The following ZNF846 variants were observed in gnomAD, a reference collection of about 807,000 sequenced individuals.
The protein encoded by ZNF846 is zinc finger protein 420 pseudogene.
Under a neutral mutation model 16.0 loss-of-function variants are expected in ZNF846, and 15 were observed. The ratio of observed to expected loss-of-function variants is 0.94; its 90% confidence interval spans 0.63 to 1.45. The LOEUF is 1.45. ZNF846 is among the 40% of genes most tolerant of loss of function. ZNF846 has a pLI of 0.00. For synonymous variants in ZNF846, 229 were observed against 212.0 expected (o/e 1.08, Z -0.70); for missense variants, 714 against 622.3 (o/e 1.15, Z -1.57).
chr19:9,767,839 C>G (rs2045342242), intron 1 of ZNF846, among the ~76,000 whole-genome samples: 1 of 152,100 alleles, frequency 6.6e-6, no homozygotes, highest in Non-Finnish European at 1.5e-5. Context: ...CATGCTGAGG[C>G]AGGAGAATCG....
intron 4 of ZNF846, among the ~76,000 whole-genome samples, chr19:9,761,305 A>G (rs1393041157): frequency 6.6e-6 from 1 of 152,196 alleles, no homozygotes; most frequent in Non-Finnish European, 1.5e-5. Flanking sequence ...AAAAAAGTAT[A>G]TGGCACATTT....
chr19:9,773,144 G>A (rs555221404), upstream of ZNF846, among the ~76,000 whole-genome samples: 5 of 152,248 alleles, frequency 3.3e-5, 1 homozygote, highest in African/African-American at 1.2e-4. Context: ...TTTCTCCATA[G>A]ATGCTGATGA....
chr19:9,780,655 G>T (rs1361217458), intron 1 of ZNF846, among the ~76,000 whole-genome samples: 1 of 151,858 alleles, frequency 6.6e-6, no homozygotes, highest in East Asian at 1.9e-4. Context: ...CACCATGTTG[G>T]CTAGGCTGGT....
intron 1 of ZNF846, among the ~76,000 whole-genome samples, chr19:9,785,570 G>T (rs868691575): frequency 2.9e-4 from 20 of 70,140 alleles, no homozygotes; most frequent in Middle Eastern, 0.013. Flanking sequence ...TCTCAACCAA[G>T]ACCGAGTCCC....
At chr19:9,759,409 C>T (rs902191880) in intron 5 of ZNF846, among the ~76,000 whole-genome samples, 1 of 151,510 alleles carries the variant, frequency 6.6e-6, no homozygotes, top group African/African-American at 2.4e-5. Context: ...TTGAGACCAG[C>T]CTGGACAAAA....
rs374936382 is a variant in ZNF846 at position 9,778,725 on chromosome 19, C to T, written c.-86+7213G>A. ...GGCTGAGACGGGAGAATTGCTTGAA[C>T]CCAGGAGGCAGAGGTTGCAGTGAGC... On this transcript the variant is annotated intron_variant, in intron 1 of 4. Transcript: ENST00000586814. Among the ~76,000 whole-genome samples the T allele has an allele frequency of 7.1e-4, 107 of 150,764 alleles. 1 individual carries two copies. In the South Asian group the frequency reaches 0.022, roughly 31 times the overall value.
exon 6 of ZNF846, chr19:9,757,649 C>T: frequency 1.2e-6 from 2 of 1,613,140 alleles, no homozygotes; most frequent in South Asian, 2.2e-5. Context: ...ATGCATAAGG[C>T]TTTTCTCCTG....
At chr19:9,769,847 G>C (rs149732168), upstream of ZNF846, among the ~76,000 whole-genome samples, 2 of 152,106 alleles carry the variant, frequency 1.3e-5, no homozygotes, top group South Asian at 4.2e-4. Context: ...CGGGTGTGGT[G>C]GTGGGCGCCT....
intron 1 of ZNF846, among the ~76,000 whole-genome samples, chr19:9,776,628 C>G (rs996117768): frequency 1.3e-5 from 2 of 152,230 alleles, no homozygotes; most frequent in Non-Finnish European, 2.9e-5. Context: ...GGGGCCACTA[C>G]CGGTCTCCGT....
chr19:9,755,799 C>CAAAAAAAA (rs538572391), downstream of ZNF846, among the ~76,000 whole-genome samples: 4 of 24,702 alleles, frequency 1.6e-4, no homozygotes, highest in African/African-American at 2.2e-4. Flanking sequence ...GACTCCGTCT[C>CAAAAAAAA]AAAAAAAAAA....
At chr19:9,779,784 C>A (rs1294120473) in intron 1 of ZNF846, among the ~76,000 whole-genome samples, 1 of 151,936 alleles carries the variant, frequency 6.6e-6, no homozygotes, top group East Asian at 1.9e-4. Flanking sequence ...GTTGGCCAGG[C>A]TGGTCTCGAA....
intron 3 of ZNF846, 74 bp from the exon 4 acceptor site, chr19:9,762,242 C>T (rs553394015): frequency 2.6e-6 from 3 of 1,170,222 alleles, no homozygotes; most frequent in Admixed American, 3.8e-5. Context: ...GGAACCAATA[C>T]TTTTGCCTTC....
chr19:9,763,331 A>C (rs1336918231), exon 3 of ZNF846: 5 of 1,611,382 alleles, frequency 3.1e-6, no homozygotes, highest in Non-Finnish European at 4.2e-6. Flanking sequence ...CTCTGTAGAG[A>C]TCTCTCTGGG....
At chr19:9,752,907 C>T (rs2045098092), downstream of ZNF846, among the ~76,000 whole-genome samples, 1 of 151,900 alleles carries the variant, frequency 6.6e-6, no homozygotes, top group African/African-American at 2.4e-5. Flanking sequence ...GCTGCTATAA[C>T]AAAATACCAT....
intron 3 of ZNF846, among the ~76,000 whole-genome samples, chr19:9,762,845 T>G (rs1160615974): frequency 6.6e-6 from 1 of 152,132 alleles, no homozygotes; most frequent in Non-Finnish European, 1.5e-5. Flanking sequence ...ACAAGCTTGT[T>G]CTATAAAGTA....
chr19:9,767,621 C>T (rs2045338816), intron 1 of ZNF846, among the ~76,000 whole-genome samples: 1 of 151,826 alleles, frequency 6.6e-6, no homozygotes, highest in Admixed American at 6.6e-5. Flanking sequence ...GTCTTTAAAA[C>T]GTAAATAAAT....
At chr19:9,757,446 G>C, downstream of ZNF846, 1 of 1,513,048 alleles carries the variant, frequency 6.6e-7, no homozygotes, top group Non-Finnish European at 8.9e-7. Flanking sequence ...GATGAGTTTA[G>C]ATGTAAATAC....
At chr19:9,760,233 C>T (rs1202329431) in intron 4 of ZNF846, among the ~76,000 whole-genome samples, 7 of 150,440 alleles carry the variant, frequency 4.7e-5, no homozygotes, top group South Asian at 2.1e-4. Flanking sequence ...GTGGAGGTTG[C>T]GGTGAGGTGA....
rs1214845852 is a variant in ZNF846 at position 9,783,538 on chromosome 19, A to ATATATAT, written c.-86+2399_-86+2400insATATATA. ...AGAGTCTCATCACTAAAAAAAAAAA[A>ATATATAT]AAAAAAATATATATATATATATATA... On this transcript the variant is annotated intron_variant, in intron 1 of 4. Coordinates refer to the ZNF846 transcript ENST00000586814. Among the ~76,000 whole-genome samples, 994 of 114,952 alleles carry ATATATAT rather than the reference A, an allele frequency of 8.6e-3. 10 individuals carry two copies. Among genetic ancestry groups the ATATATAT allele is most frequent in the Admixed American group, 0.028 (311 of 11,074 alleles). 75.4% of individuals were successfully genotyped at this position (114,952 alleles called of 152,430 possible). A position where few individuals can be genotyped will look rare whatever the true frequency, so the allele number is the denominator to read the frequency against.
Sources: gnomAD v4.1 joint callset for allele counts (sites outside exome capture counted in the v4.1 genomes callset) on GRCh38, gnomAD v4.1.1 for gene constraint, MANE v1.5 for transcripts, NCBI Gene and HGNC (gene_info 2026-07-23, HGNC 2026-07-21) for gene names.